CCDC122: variants seen among roughly 807,000 people sequenced by gnomAD.
The protein encoded by CCDC122 is coiled-coil domain containing 122.
CCDC122 carries 38 observed loss-of-function variants against 37.0 expected under a neutral mutation model. The observed-to-expected ratio is 1.03, with a 90% CI of 0.79 to 1.35. The LOEUF is 1.35. Ranked by LOEUF, CCDC122 falls within the 40% of genes most tolerant of loss-of-function variation. The pLI, the probability that CCDC122 is intolerant of heterozygous loss-of-function variation, is 0.00. For missense variants in CCDC122, 305 were observed against 310.0 expected, an observed-to-expected ratio of 0.98 and a Z score of 0.12; for synonymous variants, 83 against 95.6, an observed-to-expected ratio of 0.87 and a Z score of 0.77.
In CCDC122 at chr13:43,847,726, ATTC is replaced by A. The variant is rs200509688; in HGVS notation, c.673-10300_673-10298del. On this transcript the variant is annotated intron_variant, in intron 6 of 6. Transcript: ENST00000444614. ...TATTATCTTTGCATCTACCTGAATA[ATTC>A]TTACTTTGCCTTCAGATCAGCTTTT... Among the ~76,000 whole-genome samples the A allele has an allele frequency of 9.9e-3, 1,512 of 152,280 alleles. 7 individuals carry two copies. The highest frequency in any genetic ancestry group is 0.024 in the Middle Eastern group (7 of 294).
chr13:43,865,045 A>C (rs1054911843), intron 4 of CCDC122, among the ~76,000 whole-genome samples: 4 of 152,160 alleles, frequency 2.6e-5, no homozygotes, highest in Non-Finnish European at 1.5e-5. Context: ...GAGCGCCCAG[A>C]GACAGCATAG....
intron 5 of CCDC122, among the ~76,000 whole-genome samples, chr13:43,859,353 C>T (rs1284557847): frequency 6.6e-6 from 1 of 152,042 alleles, no homozygotes; most frequent in African/African-American, 2.4e-5. Flanking sequence ...GGCATAGAAG[C>T]TAAGTCTTTA....
At chr13:43,845,700 A>G (rs907726422) in intron 6 of CCDC122, among the ~76,000 whole-genome samples, 5 of 142,732 alleles carry the variant, frequency 3.5e-5, no homozygotes, top group Non-Finnish European at 7.6e-5. Flanking sequence ...CAAGAGCAAG[A>G]CTCCATCTCT....
chr13:43,849,568 G>A (rs117723551), intron 6 of CCDC122, among the ~76,000 whole-genome samples: 5 of 152,244 alleles, frequency 3.3e-5, no homozygotes, highest in Non-Finnish European at 7.4e-5. Context: ...GGAGAAGACA[G>A]CAATCTGGAA....
intron 6 of CCDC122, among the ~76,000 whole-genome samples, chr13:43,840,267 C>A (rs151277978): frequency 1.3e-5 from 2 of 152,148 alleles, no homozygotes; most frequent in Admixed American, 6.5e-5. Context: ...CAGTAAAACA[C>A]CTACTTTTAA....
intron 4 of CCDC122, among the ~76,000 whole-genome samples, chr13:43,860,964 C>T (rs1460385884): frequency 6.6e-6 from 1 of 152,152 alleles, no homozygotes; most frequent in East Asian, 1.9e-4. Flanking sequence ...CAGTAGCATA[C>T]AACAATACAT....
chr13:43,845,335 A>C (rs1426951040), intron 6 of CCDC122, among the ~76,000 whole-genome samples: 1 of 152,240 alleles, frequency 6.6e-6, no homozygotes, highest in Non-Finnish European at 1.5e-5. Flanking sequence ...TGACTTTTGA[A>C]TTACTCAAAA....
intron 2 of CCDC122, among the ~76,000 whole-genome samples, chr13:43,872,577 G>T (rs1346927036): frequency 6.6e-6 from 1 of 152,076 alleles, no homozygotes; most frequent in African/African-American, 2.4e-5. Flanking sequence ...AAAAAAATCA[G>T]AGAAGATGGT....
chr13:43,831,712 T>A (rs1953091532), downstream of CCDC122, among the ~76,000 whole-genome samples: 1 of 152,194 alleles, frequency 6.6e-6, no homozygotes, highest in South Asian at 2.1e-4. Context: ...ATGATTTTTA[T>A]GCCAGAGAGC....
At chr13:43,863,382 G>A (rs550250856) in intron 4 of CCDC122, among the ~76,000 whole-genome samples, 32 of 152,140 alleles carry the variant, frequency 2.1e-4, no homozygotes, top group Non-Finnish European at 3.7e-4. Flanking sequence ...GTAGTATTCC[G>A]TTGTATGGAT....
intron 5 of CCDC122, 134 bp downstream of exon 5, chr13:43,859,538 A>G: frequency 1.5e-6 from 1 of 658,058 alleles, no homozygotes; most frequent in East Asian, 3.3e-5. Context: ...TTTTTCAATT[A>G]TGAAAATAGT....
At chr13:43,874,739 G>C (rs926999298) in intron 2 of CCDC122, 103 bp downstream of exon 2, 1 of 152,094 alleles carries the variant, frequency 6.6e-6, no homozygotes. Context: ...AAGGAAACAG[G>C]CTTTAGAGAC....
At chr13:43,820,588 G>T (rs935037852), downstream of CCDC122, among the ~76,000 whole-genome samples, 1 of 152,154 alleles carries the variant, frequency 6.6e-6, no homozygotes, top group Non-Finnish European at 1.5e-5. Context: ...GCTTTGAAAA[G>T]GGAATCTGGC....
rs1486783945 is a variant in CCDC122 at position 43,868,701 on chromosome 13, T to C, written c.149A>G (p.Asn50Ser). 4.5e-6 allele frequency: 7 copies of C among 1,540,170 alleles called. No individual in the cohort carries two copies. Among genetic ancestry groups the C allele is most frequent in the African/African-American group, 2.8e-5 (2 of 72,262 alleles). ...ACTATATAAAGAAGTTACCTTCAAA[T>C]TGAACAGAACCTTTTTGTTTTTTTC... is the stretch of plus-strand genomic sequence containing the variant. ...EIEKNKKVLF[N>S]LKNELHELEK... The change falls in exon 4 of 7, where the codon AAT becomes AGT. Residue 50 changes from asparagine to serine, a missense_variant. By Grantham distance (46) the Asn-to-Ser change is conservative (BLOSUM62 1). Coordinates refer to ENST00000444614, the MANE Select transcript of CCDC122 (RefSeq NM_144974.5).
intron 6 of CCDC122, among the ~76,000 whole-genome samples, chr13:43,842,797 A>G (rs1382187670): frequency 6.6e-6 from 1 of 151,968 alleles, no homozygotes; most frequent in African/African-American, 2.4e-5. Flanking sequence ...TGTTTTATTC[A>G]TTTTACTTCC....
chr13:43,856,683 A>C (rs1953921031), intron 6 of CCDC122: 2 of 152,648 alleles, frequency 1.3e-5, no homozygotes, highest in South Asian at 2.0e-4. Flanking sequence ...TTCATGTATA[A>C]AACTTTGTTG....
At chr13:43,844,691 T>C (rs1404589561) in intron 6 of CCDC122, among the ~76,000 whole-genome samples, 1 of 152,150 alleles carries the variant, frequency 6.6e-6, no homozygotes, top group Non-Finnish European at 1.5e-5. Flanking sequence ...ACATGTAGAA[T>C]TGTTATTCCT....
chr13:43,867,911 A>G (rs1250773685), intron 4 of CCDC122, among the ~76,000 whole-genome samples: 1 of 152,100 alleles, frequency 6.6e-6, no homozygotes, highest in Non-Finnish European at 1.5e-5. Flanking sequence ...GTGATACTTA[A>G]AGCCAATGTC....
intron 6 of CCDC122, among the ~76,000 whole-genome samples, chr13:43,850,641 A>G (rs1953695174): frequency 6.6e-6 from 1 of 152,222 alleles, no homozygotes; most frequent in Non-Finnish European, 1.5e-5. Context: ...GGGAGAAAAT[A>G]GATTGAAAAT....
Sources: gnomAD v4.1 joint callset for allele counts (sites outside exome capture counted in the v4.1 genomes callset) on GRCh38, gnomAD v4.1.1 for gene constraint, MANE v1.5 for transcripts, NCBI Gene and HGNC (gene_info 2026-07-23, HGNC 2026-07-21) for gene names.